The following VWC2L variants were observed in gnomAD, a reference collection of about 807,000 sequenced individuals.
The protein encoded by VWC2L is von Willebrand factor C domain containing 2 like.
A neutral mutation model predicts 21.6 loss-of-function variants in VWC2L; 10 were observed. The ratio of observed to expected loss-of-function variants is 0.46; its 90% CI spans 0.29 to 0.78. The LOEUF (loss-of-function observed/expected upper bound fraction) is 0.78. Among genes scored for constraint, VWC2L ranks in the 30% least tolerant of loss-of-function variants. The probability of loss-of-function intolerance (pLI) is 0.10; values close to 1 mark genes in which losing one functional copy is unlikely to be tolerated. For missense variants in VWC2L, 209 were observed against 277.1 expected (o/e 0.75, Z 1.74); for synonymous variants, 96 against 94.3 (o/e 1.02, Z -0.10).
intron 3 of VWC2L, among the ~76,000 whole-genome samples, chr2:214,569,180 AG>A (rs1419826964): frequency 2.6e-5 from 4 of 152,166 alleles, no homozygotes; most frequent in African/African-American, 7.2e-5. Context: ...AGGGCCTGTG[AG>A]GGCTCTAGTC....
intron 3 of VWC2L, among the ~76,000 whole-genome samples, chr2:214,507,763 G>A (rs956992688): frequency 2.6e-5 from 4 of 152,138 alleles, no homozygotes; most frequent in African/African-American, 9.7e-5. Context: ...AACAGCCTTG[G>A]AGACAGTCAT....
intron 3 of VWC2L, among the ~76,000 whole-genome samples, chr2:214,475,245 G>A (rs1688497230): frequency 6.6e-6 from 1 of 152,116 alleles, no homozygotes; most frequent in Non-Finnish European, 1.5e-5. Context: ...AAATGGACCA[G>A]GGATGACAAA....
chr2:214,474,503 A>G (rs1688474476), intron 3 of VWC2L, among the ~76,000 whole-genome samples: 2 of 152,232 alleles, frequency 1.3e-5, no homozygotes, highest in African/African-American at 4.8e-5. Flanking sequence ...GCATATTTGT[A>G]GAGAAATATG....
intron 3 of VWC2L, among the ~76,000 whole-genome samples, chr2:214,514,745 CAT>C (rs771531739): frequency 2.0e-4 from 30 of 152,332 alleles, no homozygotes; most frequent in Admixed American, 3.9e-4. Context: ...AATACATACA[CAT>C]GTTTGAACAC....
At chr2:214,461,087 G>A (rs2126188592) in intron 3 of VWC2L, among the ~76,000 whole-genome samples, 1 of 152,336 alleles carries the variant, frequency 6.6e-6, no homozygotes, top group South Asian at 2.1e-4. Context: ...TGGAGGCTGT[G>A]GTGAGGCTTT....
chr2:214,446,906 A>T (rs565894958), intron 3 of VWC2L, among the ~76,000 whole-genome samples: 1 of 152,192 alleles, frequency 6.6e-6, no homozygotes, highest in Non-Finnish European at 1.5e-5. Context: ...CTTGGAGATA[A>T]TCGGACTCAA....
intron 3 of VWC2L, among the ~76,000 whole-genome samples, chr2:214,539,053 G>T (rs1233911038): frequency 6.6e-6 from 1 of 152,088 alleles, no homozygotes; most frequent in Admixed American, 6.6e-5. Context: ...CTGCTGCAAT[G>T]CTGCCTCATA....
intron 3 of VWC2L, among the ~76,000 whole-genome samples, chr2:214,554,829 C>T (rs1277773566): frequency 6.6e-6 from 1 of 152,094 alleles, no homozygotes; most frequent in Non-Finnish European, 1.5e-5. Context: ...GACAGCAGGC[C>T]CTGAAAGAAA....
Position 214,576,016 on chromosome 2 carries a change from A to T in VWC2L, c.*196A>T. Reference sequence around the variant, plus strand: ...CTCTCTTGCTATATAAAATATATATAGTATATAGCTATCTAAATCGCTTTT... The same window carrying T: ...CTCTCTTGCTATATAAAATATATATTGTATATAGCTATCTAAATCGCTTTT... On this transcript the variant is annotated 3_prime_UTR_variant, in exon 4 of 4. Transcript: ENST00000312504. 2.5e-6 allele frequency: 1 copy of T among 395,922 alleles called. No homozygotes were observed. The allele number at this position is 395,922 out of a possible 1,614,324, so 24.5% of individuals were successfully genotyped here.
intron 3 of VWC2L, among the ~76,000 whole-genome samples, chr2:214,484,233 C>T (rs1378632870): frequency 6.6e-6 from 1 of 152,126 alleles, no homozygotes; most frequent in Non-Finnish European, 1.5e-5. Flanking sequence ...CAAGTAAGGT[C>T]ACATTTTGAG....
At chr2:214,546,473 C>T (rs1689708549) in intron 3 of VWC2L, among the ~76,000 whole-genome samples, 1 of 152,080 alleles carries the variant, frequency 6.6e-6, no homozygotes, top group African/African-American at 2.4e-5. Context: ...GAAATGGCCA[C>T]AGTAGGAGTA....
At chr2:214,554,259 G>A (rs1208493895) in intron 3 of VWC2L, among the ~76,000 whole-genome samples, 5 of 152,046 alleles carry the variant, frequency 3.3e-5, no homozygotes, top group African/African-American at 4.8e-5. Flanking sequence ...TACAGTGTAC[G>A]GTGTCAACCA....
chr2:214,497,176 G>A (rs531963246), intron 3 of VWC2L, among the ~76,000 whole-genome samples: 1 of 150,692 alleles, frequency 6.6e-6, no homozygotes, highest in Admixed American at 6.7e-5. Flanking sequence ...TTGGCTTCAG[G>A]CATGTAACAT....
chr2:214,506,285 G>T (rs1054458573), intron 3 of VWC2L, among the ~76,000 whole-genome samples: 1 of 152,072 alleles, frequency 6.6e-6, no homozygotes, highest in Admixed American at 6.5e-5. Context: ...AGCTTTTATA[G>T]ATCTATAAAA....
intron 3 of VWC2L, among the ~76,000 whole-genome samples, chr2:214,470,973 G>T (rs558156397): frequency 7.6e-5 from 10 of 131,816 alleles, no homozygotes; most frequent in African/African-American, 2.9e-4. Context: ...GGCATATTAA[G>T]ACTAGGTCAA....
At chr2:214,548,626 A>G (rs1689746465) in intron 3 of VWC2L, among the ~76,000 whole-genome samples, 2 of 152,302 alleles carry the variant, frequency 1.3e-5, no homozygotes, top group East Asian at 3.9e-4. Flanking sequence ...AGTCAAATCC[A>G]ACCAAGTTGT....
At chr2:214,537,773 C>T (rs917211130) in intron 3 of VWC2L, among the ~76,000 whole-genome samples, 1 of 151,990 alleles carries the variant, frequency 6.6e-6, no homozygotes, top group Non-Finnish European at 1.5e-5. Context: ...CAAATATATT[C>T]AGGCCTTTTT....
At chr2:214,467,150 A>G (rs1381965744) in intron 3 of VWC2L, among the ~76,000 whole-genome samples, 3 of 152,220 alleles carry the variant, frequency 2.0e-5, no homozygotes, top group South Asian at 2.1e-4. Flanking sequence ...TTGAGGCAAG[A>G]ACTTTTAAGT....
chr2:214,537,747 G>T (rs548167349), intron 3 of VWC2L, among the ~76,000 whole-genome samples: 2 of 152,040 alleles, frequency 1.3e-5, no homozygotes, highest in Non-Finnish European at 2.9e-5. Flanking sequence ...ATGTATGAAT[G>T]AATGGAATAA....
Sources: allele counts gnomAD v4.1 joint callset (sites outside exome capture counted in the v4.1 genomes callset), GRCh38; gene constraint gnomAD v4.1.1; transcripts MANE v1.5; gene names NCBI Gene and HGNC (gene_info 2026-07-23, HGNC 2026-07-21).